The following DLG2 variants were observed in gnomAD, a reference collection of about 807,000 sequenced individuals.
The protein encoded by DLG2 is discs large MAGUK scaffold protein 2.
In DLG2, 45 loss-of-function variants were observed where a neutral mutation model predicts 132.5. That is an observed-to-expected ratio of 0.34 (90% CI 0.27 to 0.44). The LOEUF is 0.44. Among genes scored for constraint, DLG2 ranks in the 20% least tolerant of loss-of-function variants. The pLI is 1.00. For synonymous variants in DLG2, 424 were observed against 419.6 expected (o/e 1.01, Z -0.13); for missense variants, 1,045 against 1,196.9 (o/e 0.87, Z 1.87).
chr11:84,391,039 C>T (rs1555544583), intron 7 of DLG2, among the ~76,000 whole-genome samples: 1 of 152,086 alleles, frequency 6.6e-6, no homozygotes, highest in Non-Finnish European at 1.5e-5. Flanking sequence ...TTAACTGAGA[C>T]ACGTGTCCCC....
chr11:84,584,738 GAGTGC>G (rs2099525301), intron 6 of DLG2, among the ~76,000 whole-genome samples: 4 of 132,568 alleles, frequency 3.0e-5, no homozygotes, highest in African/African-American at 5.6e-5. Context: ...GCCCAGGCTG[GAGTGC>G]AGTGGCGGGA....
rs55961228 is a variant in DLG2 at position 83,988,030 on chromosome 11, C to T, written c.920-7388G>A. Among the ~76,000 whole-genome samples the T allele has an allele frequency of 3.2e-3, 481 of 152,060 alleles. 1 individual carries two copies. The highest frequency in any genetic ancestry group is 5.4e-3 in the Non-Finnish European group (368 of 67,930). On this transcript the variant is annotated intron_variant, in intron 11 of 27. Coordinates refer to ENST00000376104, the MANE Select transcript of DLG2 (RefSeq NM_001142699.3). Reference sequence around the variant, plus strand: ...GTTTAAGTTCCTTGTAGACTCTGGACATCAGACCTTTGTCAGATGAATAGA... The same window carrying T: ...GTTTAAGTTCCTTGTAGACTCTGGATATCAGACCTTTGTCAGATGAATAGA...
At chr11:85,297,596 T>C (rs139322497) in intron 3 of DLG2, among the ~76,000 whole-genome samples, 1 of 152,340 alleles carries the variant, frequency 6.6e-6, no homozygotes, top group Non-Finnish European at 1.5e-5. Flanking sequence ...TATTTTCTTC[T>C]TTCTCTTTTC....
At chr11:83,958,991 A>G (rs1012051383) in intron 14 of DLG2, among the ~76,000 whole-genome samples, 1 of 152,164 alleles carries the variant, frequency 6.6e-6, no homozygotes, top group Non-Finnish European at 1.5e-5. Flanking sequence ...CTGACAGTCT[A>G]TAATGCCTGA....
Position 83,471,625 on chromosome 11 carries a change from C to T in DLG2, c.2446+1G>A. 1 of 1,608,568 alleles carries T rather than the reference C, an allele frequency of 6.2e-7. No individual in the cohort carries two copies. The highest frequency in any genetic ancestry group is 8.5e-7 in the Non-Finnish European group (1 of 1,175,472). On this transcript the variant is annotated splice_donor_variant, in intron 24 of 27. Coordinates refer to ENST00000376104, the MANE Select transcript of DLG2 (RefSeq NM_001142699.3). LOFTEE classifies it high-confidence loss of function. ...CTAGAGGAAAGAAAAATGACACTTA[C>T]GAGGCACACAGGAGCCAAATTTATC... is the stretch of plus-strand genomic sequence containing the variant.
intron 3 of DLG2, among the ~76,000 whole-genome samples, chr11:85,484,610 A>G (rs1262304619): frequency 4.6e-5 from 7 of 152,154 alleles, no homozygotes; most frequent in Non-Finnish European, 7.4e-5. Flanking sequence ...AATGCTCACC[A>G]TCACTGGCCA....
At chr11:85,431,728 T>G (rs1382835705) in intron 3 of DLG2, among the ~76,000 whole-genome samples, 1 of 152,244 alleles carries the variant, frequency 6.6e-6, no homozygotes, top group Non-Finnish European at 1.5e-5. Context: ...AGACATAGTC[T>G]TTCCTCCTGC....
intron 19 of DLG2, among the ~76,000 whole-genome samples, chr11:83,569,148 A>T (rs1423393543): frequency 6.6e-6 from 1 of 152,118 alleles, no homozygotes; most frequent in Non-Finnish European, 1.5e-5. Flanking sequence ...AAATTCATTT[A>T]AAAAATCTGT....
intron 6 of DLG2, among the ~76,000 whole-genome samples, chr11:84,856,067 C>T (rs1157730058): frequency 6.6e-6 from 1 of 152,076 alleles, no homozygotes. Context: ...AAGGGCCTTA[C>T]TAACATCTCC....
intron 19 of DLG2, among the ~76,000 whole-genome samples, chr11:83,605,772 T>C (rs938395783): frequency 1.3e-5 from 2 of 152,232 alleles, no homozygotes; most frequent in Non-Finnish European, 1.5e-5. Context: ...GAACAATACA[T>C]GCAAGAGTAC....
intron 2 of DLG2, among the ~76,000 whole-genome samples, chr11:85,616,587 T>C (rs1304400181): frequency 6.6e-6 from 1 of 152,236 alleles, no homozygotes; most frequent in Non-Finnish European, 1.5e-5. Flanking sequence ...CCAGTTTTGC[T>C]TTCTAAAAAC....
intron 4 of DLG2, among the ~76,000 whole-genome samples, chr11:85,265,900 AT>A: frequency 6.6e-6 from 1 of 152,252 alleles, no homozygotes; most frequent in Non-Finnish European, 1.5e-5. Flanking sequence ...AGCTTCTCTC[AT>A]TGCTCAATAA....
At chr11:83,928,697 C>T (rs1353761324) in intron 15 of DLG2, among the ~76,000 whole-genome samples, 1 of 151,976 alleles carries the variant, frequency 6.6e-6, no homozygotes, top group Non-Finnish European at 1.5e-5. Flanking sequence ...TGATCTTGGG[C>T]AAGTCAGGCA....
chr11:84,542,469 T>G (rs1401058765), intron 6 of DLG2, among the ~76,000 whole-genome samples: 1 of 152,214 alleles, frequency 6.6e-6, no homozygotes, highest in African/African-American at 2.4e-5. Flanking sequence ...CCAAGTTCTT[T>G]GAGGGTAAGA....
At position 83,541,591 on chromosome 11, in the gene DLG2, T is replaced by C. The variant is rs1396091507; in HGVS notation, c.2117+91A>G. Reference sequence around the variant, plus strand: ...CTATCCCATTTAAATAAATTTAATTTTGTGAACAGTTTCTCCCACCTTCTT... The same window carrying C: ...CTATCCCATTTAAATAAATTTAATTCTGTGAACAGTTTCTCCCACCTTCTT... On this transcript the variant is annotated intron_variant, in intron 20 of 27. Transcript: ENST00000376104. 3 of 1,151,940 alleles carry C rather than the reference T, an allele frequency of 2.6e-6. No homozygotes were observed. The Admixed American group carries it at 8.6e-5, about 33-fold the overall frequency. 71.4% of individuals were successfully genotyped at this position (1,151,940 alleles called of 1,614,324 possible).
chr11:85,151,771 C>G (rs935217968), intron 5 of DLG2, among the ~76,000 whole-genome samples: 18 of 152,162 alleles, frequency 1.2e-4, no homozygotes, highest in African/African-American at 4.3e-4. Flanking sequence ...CAGTACCACA[C>G]CATCTTGATT....
intron 11 of DLG2, among the ~76,000 whole-genome samples, chr11:83,999,090 A>G (rs765325963): frequency 3.8e-4 from 58 of 152,164 alleles, no homozygotes; most frequent in Non-Finnish European, 7.1e-4. Context: ...TGTGGCTACT[A>G]CCAGTCACAC....
rs75413277 is a variant in DLG2, at chr11:84,325,254, C to T, written c.520-73963G>A. The stretch of plus-strand genomic sequence containing the variant: ...TACTTTAAGTTCTAGGGCACATGTG[C>T]ACAAGGTGAAGGTTTTTTACATAGG... On this transcript the variant is annotated intron_variant, in intron 7 of 27. Coordinates refer to ENST00000376104, the MANE Select transcript of DLG2 (RefSeq NM_001142699.3). Among the ~76,000 whole-genome samples the T allele has an allele frequency of 2.6e-3, 400 of 152,040 alleles. 1 individual carries two copies. The highest frequency in any genetic ancestry group is 8.5e-3 in the African/African-American group (354 of 41,458).
At chr11:85,543,779 T>C (rs1418751893) in intron 3 of DLG2, among the ~76,000 whole-genome samples, 1 of 152,250 alleles carries the variant, frequency 6.6e-6, no homozygotes, top group African/African-American at 2.4e-5. Context: ...TCTGCATAAA[T>C]GTCTTTTTTG....
Sources: allele counts gnomAD v4.1 joint callset (sites outside exome capture counted in the v4.1 genomes callset), GRCh38; gene constraint gnomAD v4.1.1; transcripts MANE v1.5; gene names NCBI Gene and HGNC (gene_info 2026-07-23, HGNC 2026-07-21).